The following PATJ variants were observed in gnomAD, a reference collection of about 807,000 sequenced individuals.
The protein encoded by PATJ is PATJ crumbs cell polarity complex component.
PATJ carries 190 observed loss-of-function variants against 224.9 expected under a neutral mutation model. The observed-to-expected ratio is 0.84, with a 90% CI of 0.75 to 0.95. PATJ has a LOEUF of 0.95. PATJ is among the 40% of genes least tolerant of loss of function. The probability of loss-of-function intolerance (pLI) is 0.00; values close to 1 mark genes in which losing one functional copy is unlikely to be tolerated. For synonymous variants in PATJ, 769 were observed against 820.3 expected, an observed-to-expected ratio of 0.94 and a Z score of 1.07; for missense variants, 2,121 against 2,270.3, an observed-to-expected ratio of 0.93 and a Z score of 1.34.
intron 24 of PATJ, 139 bp downstream of exon 24, chr1:61,901,598 G>T: frequency 3.4e-6 from 2 of 580,728 alleles, no homozygotes; most frequent in Non-Finnish European, 5.9e-6. Flanking sequence ...GCCTTAGTTT[G>T]TACATTGTAT....
At chr1:61,803,548 T>C (rs1652970257) in intron 12 of PATJ, among the ~76,000 whole-genome samples, 1 of 152,176 alleles carries the variant, frequency 6.6e-6, no homozygotes, top group Admixed American at 6.6e-5. Context: ...GAACAGATGG[T>C]TCACGAAAGA....
chr1:61,976,554 C>T (rs145740541), intron 27 of PATJ, among the ~76,000 whole-genome samples: 25 of 151,904 alleles, frequency 1.6e-4, no homozygotes, highest in Non-Finnish European at 3.7e-4. Flanking sequence ...TTACAGGCAC[C>T]CACCCATCAT....
rs1665899059 is a variant in PATJ, at chr1:62,128,002, G to T, written c.5074G>T (p.Ala1692Ser). The change falls in exon 40 of 44, where the codon GCT becomes TCT. Residue 1692 changes from alanine (A) to serine (S), a missense_variant. Coordinates refer to ENST00000642238, the MANE Select transcript of PATJ (RefSeq NM_001350145.3). The part of the protein sequence containing the change: ...ELSDALGISI[A>S]GGRGSPLGDI... ...CAGTGATGCCCTTGGAATCAGTATT[G>T]CTGGAGGAAGAGGAAGTCCCTTAGG... 2 of 1,613,932 alleles carry T rather than the reference G, an allele frequency of 1.2e-6. No homozygotes were observed. The highest frequency in any genetic ancestry group is 1.3e-5 in the African/African-American group (1 of 74,916).
chr1:61,810,069 C>T (rs1175064709), intron 14 of PATJ, among the ~76,000 whole-genome samples: 1 of 151,730 alleles, frequency 6.6e-6, no homozygotes, highest in Non-Finnish European at 1.5e-5. Context: ...AGGCTGGTCT[C>T]GAACTCCTGA....
intron 12 of PATJ, among the ~76,000 whole-genome samples, chr1:61,802,972 T>C (rs932376340): frequency 2.0e-5 from 3 of 152,182 alleles, no homozygotes; most frequent in Non-Finnish European, 4.4e-5. Context: ...CAGGAAAGAA[T>C]AGCCTATGAT....
In PATJ at chr1:62,148,402, A is replaced by G. The variant is rs368503415; in HGVS notation, c.5378+12A>G. 78 of 1,573,570 alleles carry G rather than the reference A, an allele frequency of 5.0e-5. No homozygotes were observed. The African/African-American group carries it at 8.6e-4, about 17-fold the overall frequency. ...CCAGAAGACACAGAGTGAGTATTTC[A>G]GATGCAGAGGGCCTATTATGCATGT... is the stretch of plus-strand genomic sequence containing the variant. On this transcript the variant is annotated intron_variant, in intron 42 of 43. Coordinates refer to ENST00000642238, the MANE Select transcript of PATJ (RefSeq NM_001350145.3).
intron 7 of PATJ, among the ~76,000 whole-genome samples, chr1:61,780,438 C>G (rs1239009998): frequency 2.0e-5 from 3 of 152,118 alleles, no homozygotes; most frequent in African/African-American, 7.2e-5. Flanking sequence ...GCACTGCAGC[C>G]TGGGCGACAG....
At chr1:61,863,828 T>A (rs1664999293) in intron 19 of PATJ, among the ~76,000 whole-genome samples, 1 of 152,244 alleles carries the variant, frequency 6.6e-6, no homozygotes, top group African/African-American at 2.4e-5. Context: ...TATTTAAGCT[T>A]GAAAATCCTG....
intron 18 of PATJ, among the ~76,000 whole-genome samples, chr1:61,860,059 TAA>T (rs1336410076): frequency 6.6e-6 from 1 of 152,156 alleles, no homozygotes; most frequent in East Asian, 1.9e-4. Flanking sequence ...TTATTTGTAT[TAA>T]GTCTTGTATT....
intron 1 of PATJ, among the ~76,000 whole-genome samples, chr1:61,757,648 A>G (rs1645726192): frequency 6.6e-6 from 1 of 151,932 alleles, no homozygotes; most frequent in African/African-American, 2.4e-5. Flanking sequence ...GGTCTCCTAA[A>G]GTGCTAGGTT....
intron 17 of PATJ, among the ~76,000 whole-genome samples, chr1:61,843,809 TA>T (rs1462451445): frequency 1.3e-5 from 2 of 152,116 alleles, no homozygotes; most frequent in African/African-American, 4.8e-5. Flanking sequence ...AAAATGATGA[TA>T]ATGATAATGA....
intron 31 of PATJ, among the ~76,000 whole-genome samples, chr1:62,077,356 T>G (rs748533789): frequency 2.7e-4 from 41 of 152,126 alleles, no homozygotes; most frequent in Non-Finnish European, 4.7e-4. Context: ...CACTGATAAA[T>G]ATGTAATTGA....
chr1:62,031,047 G>A (rs1649176263), intron 29 of PATJ, among the ~76,000 whole-genome samples: 1 of 152,178 alleles, frequency 6.6e-6, no homozygotes, highest in South Asian at 2.1e-4. Flanking sequence ...TTATGCTTCA[G>A]TAACAAACAG....
rs746362785 is a variant in PATJ, at chr1:61,908,403, A to C, written c.3413A>C (p.His1138Pro). ...VSGVDLQNAS[H>P]SEAVEAIKNA... ...GGAGTAGATTTGCAGAATGCCTCAC[A>C]CAGCGAAGCAGTTGAGGCCATTAAG... is the stretch of plus-strand genomic sequence containing the variant. Residue 1138 changes from histidine (H) to proline (P), a missense_variant, in exon 25 of 44, where the codon CAC becomes CCC. Coordinates refer to ENST00000642238, the MANE Select transcript of PATJ (RefSeq NM_001350145.3). The C allele has an allele frequency of 6.2e-7, 1 of 1,613,782 alleles. No homozygotes were observed. Among genetic ancestry groups the C allele is most frequent in the South Asian group, 1.1e-5 (1 of 91,062 alleles).
At chr1:61,904,621 G>A (rs1322887819) in intron 24 of PATJ, among the ~76,000 whole-genome samples, 2 of 152,198 alleles carry the variant, frequency 1.3e-5, no homozygotes. Flanking sequence ...AGAAATACCT[G>A]AGAGTGTATA....
intron 17 of PATJ, among the ~76,000 whole-genome samples, chr1:61,838,645 C>T (rs1231580140): frequency 6.6e-6 from 1 of 150,898 alleles, no homozygotes; most frequent in Non-Finnish European, 1.5e-5. Flanking sequence ...GCTGGGATTA[C>T]AGGCGTGAGC....
intron 9 of PATJ, among the ~76,000 whole-genome samples, chr1:61,794,590 G>A (rs1650651654): frequency 6.6e-6 from 1 of 151,936 alleles, no homozygotes; most frequent in Admixed American, 6.6e-5. Flanking sequence ...ATTTTTTATA[G>A]CCATTTGTCT....
intron 22 of PATJ, among the ~76,000 whole-genome samples, chr1:61,893,891 G>C (rs562697505): frequency 4.0e-5 from 6 of 151,766 alleles, no homozygotes; most frequent in African/African-American, 1.4e-4. Context: ...TTGGGGTACA[G>C]GAAGGTGGAA....
At chr1:61,806,511 C>T (rs4915779) in intron 13 of PATJ, among the ~76,000 whole-genome samples, 57,811 of 151,156 alleles carry the variant, frequency 0.38, 12,735 homozygotes, top group South Asian at 0.56. Context: ...CCCAGCTACT[C>T]GGGAGACTGA....
Sources: gnomAD v4.1 joint callset for allele counts (sites outside exome capture counted in the v4.1 genomes callset) on GRCh38, gnomAD v4.1.1 for gene constraint, MANE v1.5 for transcripts, NCBI Gene and HGNC (gene_info 2026-07-23, HGNC 2026-07-21) for gene names.